NTRK2: variants seen among roughly 807,000 people sequenced by gnomAD.
The protein encoded by NTRK2 is BDNF/NT-3 growth factors receptor.
NTRK2 carries 13 observed loss-of-function variants against 94.5 expected under a neutral mutation model. That is an observed-to-expected ratio of 0.14 (90% CI 0.09 to 0.22). The LOEUF is 0.22. Ranked by LOEUF, NTRK2 falls within the 10% of genes least tolerant of loss-of-function variation. NTRK2 has a pLI of 1.00. For synonymous variants in NTRK2, 372 were observed against 407.4 expected (o/e 0.91, Z 1.05); for missense variants, 639 against 1,071.2 (o/e 0.60, Z 5.63).
At chr9:84,790,014 A>G (rs1204814490) in intron 12 of NTRK2, among the ~76,000 whole-genome samples, 1 of 152,290 alleles carries the variant, frequency 6.6e-6, no homozygotes, top group Non-Finnish European at 1.5e-5. Flanking sequence ...TCTACATTCC[A>G]AACTCTATGG....
chr9:84,997,266 G>A (rs1049960815), intron 17 of NTRK2, among the ~76,000 whole-genome samples: 1 of 152,180 alleles, frequency 6.6e-6, no homozygotes, highest in Non-Finnish European at 1.5e-5. Flanking sequence ...GGCAAAGCTG[G>A]TCTCTGAGAC....
rs551356302 is a variant in NTRK2, at chr9:85,013,376, C to T, written c.2173-6830C>T. On this transcript the variant is annotated intron_variant, in intron 17 of 18. Coordinates refer to ENST00000277120, the MANE Select transcript of NTRK2 (RefSeq NM_006180.6). ...GGAATGCAGTGGCGTGATGTTGGCT[C>T]ACTGCAACCTCTGCCTCCCGGGTTC... is the stretch of plus-strand genomic sequence containing the variant. Among the ~76,000 whole-genome samples the T allele has an allele frequency of 2.2e-4, 33 of 152,252 alleles. No homozygotes were observed. The South Asian group carries it at 5.2e-3, about 24-fold the overall frequency.
At chr9:84,737,356 G>T (rs538219705) in intron 9 of NTRK2, among the ~76,000 whole-genome samples, 6 of 152,174 alleles carry the variant, frequency 3.9e-5, no homozygotes, top group African/African-American at 1.4e-4. Flanking sequence ...CTTTCATCAA[G>T]ATTTACATAA....
intron 17 of NTRK2, among the ~76,000 whole-genome samples, chr9:85,013,328 A>G (rs903792537): frequency 6.6e-6 from 1 of 152,086 alleles, no homozygotes; most frequent in Non-Finnish European, 1.5e-5. Flanking sequence ...TCTGAGATGG[A>G]GTCTCACTCT....
chr9:84,711,352 C>T (rs557054652), intron 6 of NTRK2, among the ~76,000 whole-genome samples: 27 of 152,278 alleles, frequency 1.8e-4, no homozygotes, highest in East Asian at 1.5e-3. Context: ...TACCGTCATC[C>T]CCTATTCCTC....
Position 85,007,317 on chromosome 9 carries a change from G to A in NTRK2, c.2173-12889G>A, listed in dbSNP as rs184440287. Among the ~76,000 whole-genome samples the A allele has an allele frequency of 3.9e-5, 6 of 152,314 alleles. No individual in the cohort carries two copies. The East Asian group carries it at 1.2e-3, about 29-fold the overall frequency. On this transcript the variant is annotated intron_variant, in intron 17 of 18. Coordinates refer to ENST00000277120, the MANE Select transcript of NTRK2 (RefSeq NM_006180.6). ...ATCAGAAAGAGCTAAAGGAGTTTGG[G>A]AAAGAGAGGGAAGATCAAAATGTAG...
rs78654205 is a variant in NTRK2 at position 84,752,876 on chromosome 9, G to T, written c.1396+791G>T. On this transcript the variant is annotated intron_variant, in intron 12 of 18. Transcript: ENST00000277120. ...CTATAGATAGACACTATTTAAAAGTGTCTAAATGGGAATGCTGTGAAGAAG... is the reference window on the plus strand; with the variant it reads ...CTATAGATAGACACTATTTAAAAGTTTCTAAATGGGAATGCTGTGAAGAAG... 9.3e-3 allele frequency among the ~76,000 whole-genome samples: 1,413 copies of T among 152,326 alleles called. 20 individuals carry two copies. The highest frequency in any genetic ancestry group is 0.032 in the African/African-American group (1,342 of 41,576).
At chr9:84,817,494 A>G (rs748489686) in intron 12 of NTRK2, among the ~76,000 whole-genome samples, 1 of 152,242 alleles carries the variant, frequency 6.6e-6, no homozygotes, top group Non-Finnish European at 1.5e-5. Flanking sequence ...TAATAGTTCC[A>G]TGAGTTTGAA....
chr9:84,730,931 T>G (rs1324745115), intron 9 of NTRK2, among the ~76,000 whole-genome samples: 2 of 152,088 alleles, frequency 1.3e-5, no homozygotes, highest in African/African-American at 2.4e-5. Flanking sequence ...CTCACAAATA[T>G]TTTTTATAAG....
chr9:84,982,001 T>C lies in NTRK2; in HGVS notation c.2172+26484T>C, dbSNP rs543665604. 2.0e-3 allele frequency among the ~76,000 whole-genome samples: 298 copies of C among 152,368 alleles called. 1 individual carries two copies. The highest frequency in any genetic ancestry group is 2.5e-3 in the Non-Finnish European group (171 of 68,040). On this transcript the variant is annotated intron_variant, in intron 17 of 18. Coordinates refer to ENST00000277120, the MANE Select transcript of NTRK2 (RefSeq NM_006180.6). ...ATTTCTGGGTTTTATCCATTGCCTT[T>C]GTTACTGCATAAGCATTCTGATTAA...
chr9:84,877,146 A>G, intron 14 of NTRK2: 1 of 1,064,808 alleles, frequency 9.4e-7, no homozygotes, highest in Non-Finnish European at 1.1e-6. Context: ...GCCACTTCCT[A>G]CATATTACAT....
chr9:84,881,610 T>C (rs1292561392), intron 14 of NTRK2, among the ~76,000 whole-genome samples: 1 of 152,262 alleles, frequency 6.6e-6, no homozygotes, highest in Non-Finnish European at 1.5e-5. Context: ...CTACTTTGCC[T>C]GTCATCTTAC....
chr9:84,744,634 G>A (rs975507382), intron 10 of NTRK2, among the ~76,000 whole-genome samples: 2 of 152,058 alleles, frequency 1.3e-5, no homozygotes, highest in African/African-American at 2.4e-5. Context: ...TCTATGACAC[G>A]TAGATGATCG....
At chr9:84,974,662 A>G (rs1826589247) in intron 17 of NTRK2, among the ~76,000 whole-genome samples, 1 of 152,214 alleles carries the variant, frequency 6.6e-6, no homozygotes, top group Non-Finnish European at 1.5e-5. Context: ...CCAGTTTGAA[A>G]TAGTGATTTT....
rs71369154 is a variant in NTRK2, at chr9:84,864,736, C to CTTTT, written c.1445-2488_1445-2485dup. Among the ~76,000 whole-genome samples the CTTTT allele has an allele frequency of 3.2e-4, 33 of 104,600 alleles. 1 individual carries two copies. The highest frequency in any genetic ancestry group is 6.1e-4 in the East Asian group (2 of 3,254). The allele number at this position is 104,600 out of a possible 152,430, so 68.6% of individuals were successfully genotyped here. A position where few individuals can be genotyped will look rare whatever the true frequency, so the allele number is the denominator to read the frequency against. ...CCTTAGCATAACACATCTTAATTTT[C>CTTTT]TTTTTTTTTTTTTTTTTTTTTTGAA... On this transcript the variant is annotated intron_variant, in intron 13 of 18. Transcript: ENST00000277120.
chr9:84,873,072 G>A (rs935189201), intron 14 of NTRK2: 54 of 1,064,080 alleles, frequency 5.1e-5, no homozygotes, highest in East Asian at 1.5e-4. Context: ...AGAGTGCGGG[G>A]CCCCTCAGAG....
intron 14 of NTRK2, among the ~76,000 whole-genome samples, chr9:84,899,326 A>G (rs1317624369): frequency 6.6e-6 from 1 of 152,282 alleles, no homozygotes; most frequent in Non-Finnish European, 1.5e-5. Flanking sequence ...TGTGTATTTC[A>G]GGACAAAACA....
intron 2 of NTRK2, among the ~76,000 whole-genome samples, chr9:84,698,056 T>C (rs561048833): frequency 4.6e-5 from 7 of 152,182 alleles, no homozygotes; most frequent in Non-Finnish European, 1.0e-4. Context: ...AATAGTTGAA[T>C]ATTTTTAAGC....
chr9:84,890,375 C>T (rs1400509829), intron 14 of NTRK2, among the ~76,000 whole-genome samples: 1 of 152,222 alleles, frequency 6.6e-6, no homozygotes, highest in Admixed American at 6.5e-5. Flanking sequence ...GATTCTATTA[C>T]ATTTAGAGAT....
Sources: gnomAD v4.1 joint callset for allele counts (sites outside exome capture counted in the v4.1 genomes callset) on GRCh38, gnomAD v4.1.1 for gene constraint, MANE v1.5 for transcripts, NCBI Gene and HGNC (gene_info 2026-07-23, HGNC 2026-07-21) for gene names.